Variants in DNAH11 observed in about 807,000 individuals in gnomAD.
DNAH11 encodes axonemal beta dynein heavy chain 11.
Under a neutral mutation model 526.0 loss-of-function variants are expected in DNAH11, and 442 were observed. The observed-to-expected ratio is 0.84, with a 90% CI of 0.78 to 0.91. The LOEUF is 0.91. Among genes scored for constraint, DNAH11 ranks in the 40% least tolerant of loss-of-function variants. DNAH11 has a pLI of 0.00. For missense variants in DNAH11, 6,989 were observed against 5,448.7 expected, an observed-to-expected ratio of 1.28 and a Z score of -8.90; for synonymous variants, 2,461 against 1,935.9, an observed-to-expected ratio of 1.27 and a Z score of -7.12.
chr7:21,696,110 T>G (rs1783839002), intron 35 of DNAH11, among the ~76,000 whole-genome samples: 1 of 152,206 alleles, frequency 6.6e-6, no homozygotes, highest in Non-Finnish European at 1.5e-5. Flanking sequence ...GTGCTCAATA[T>G]GTGTGCTCAA....
At chr7:21,880,585 G>T in intron 74 of DNAH11, 117 bp from the exon 75 acceptor site, 1 of 1,020,070 alleles carries the variant, frequency 9.8e-7, no homozygotes, top group Non-Finnish European at 1.4e-6. Context: ...CCATGCTGAA[G>T]ACTGCCTCTG....
intron 49 of DNAH11, 28 bp from the exon 50 acceptor site, chr7:21,744,410 A>G (rs754117103): frequency 6.2e-7 from 1 of 1,606,294 alleles, no homozygotes; most frequent in Non-Finnish European, 8.5e-7. Flanking sequence ...TCTGAATTAA[A>G]GGTATTTTCC....
At chr7:21,715,738 T>C (rs1180668945) in intron 42 of DNAH11, among the ~76,000 whole-genome samples, 1 of 152,074 alleles carries the variant, frequency 6.6e-6, no homozygotes, top group Non-Finnish European at 1.5e-5. Context: ...CTAAACTATG[T>C]AAGTTTAGCA....
At chr7:21,742,375 G>A (rs551847905) in intron 49 of DNAH11, among the ~76,000 whole-genome samples, 1 of 152,238 alleles carries the variant, frequency 6.6e-6, no homozygotes, top group African/African-American at 2.4e-5. Flanking sequence ...TGACAATCGT[G>A]GTAGAAGGTG....
rs555340265 is a variant in DNAH11 at position 21,734,812 on chromosome 7, C to T, written c.7441-828C>T. On this transcript the variant is annotated intron_variant, in intron 45 of 81. Transcript: ENST00000409508. ...AGTCAAGGCTGCAGTTAGCCATCATCACGCCACTGCACTCCAGCCTGGGTA... is the reference window on the plus strand; with the variant it reads ...AGTCAAGGCTGCAGTTAGCCATCATTACGCCACTGCACTCCAGCCTGGGTA... 2.0e-5 allele frequency among the ~76,000 whole-genome samples: 3 copies of T among 151,848 alleles called. No individual in the cohort carries two copies. The South Asian group carries it at 6.3e-4, about 32-fold the overall frequency.
chr7:21,884,248 A>G, intron 75 of DNAH11, 43 bp from the exon 76 acceptor site: 6 of 1,553,722 alleles, frequency 3.9e-6, no homozygotes, highest in Non-Finnish European at 5.2e-6. Context: ...TCTGAGGCAG[A>G]CTCTGCACCC....
chr7:21,571,757 T>C, intron 7 of DNAH11, 49 bp from the exon 8 acceptor site: 4 of 1,384,146 alleles, frequency 2.9e-6, no homozygotes, highest in Non-Finnish European at 3.8e-6. Flanking sequence ...CTTTAAAATA[T>C]TTTGCTGCTC....
chr7:21,866,387 G>T, intron 70 of DNAH11, 83 bp from the exon 71 acceptor site: 1 of 1,308,538 alleles, frequency 7.6e-7, no homozygotes, highest in Non-Finnish European at 1.1e-6. Flanking sequence ...TTTTACATAA[G>T]ATTAGATACA....
intron 55 of DNAH11, 100 bp from the exon 56 acceptor site, chr7:21,773,666 T>C (rs757822497): frequency 4.4e-6 from 4 of 910,406 alleles, no homozygotes; most frequent in Non-Finnish European, 6.3e-6. Flanking sequence ...CATTTTTTTT[T>C]CTGACTTTTA....
At chr7:21,801,954 A>T (rs1370803245) in intron 62 of DNAH11, among the ~76,000 whole-genome samples, 1 of 152,202 alleles carries the variant, frequency 6.6e-6, no homozygotes, top group Non-Finnish European at 1.5e-5. Flanking sequence ...ACGTTCTTTG[A>T]TATCAGTATT....
At position 21,622,519 on chromosome 7, in the gene DNAH11, CT is replaced by C. The variant is rs749356545; in HGVS notation, c.4500+2442del. Among the ~76,000 whole-genome samples, 50 of 152,146 alleles carry C rather than the reference CT, an allele frequency of 3.3e-4. 1 individual carries two copies. Among genetic ancestry groups the C allele is most frequent in the Non-Finnish European group, 2.2e-4 (15 of 68,018 alleles). ...AAGACCCCGCATTGCCAAGTCAATCCTAAGCCAAAAGAACAAGCCTGGAGTC... is the reference window on the plus strand; with the variant it reads ...AAGACCCCGCATTGCCAAGTCAATCCAAGCCAAAAGAACAAGCCTGGAGTC... On this transcript the variant is annotated intron_variant, in intron 25 of 81. Coordinates refer to ENST00000409508, the MANE Select transcript of DNAH11 (RefSeq NM_001277115.2).
chr7:21,686,688 A>G (rs1208962153), intron 32 of DNAH11, among the ~76,000 whole-genome samples: 3 of 152,232 alleles, frequency 2.0e-5, no homozygotes, highest in Admixed American at 6.5e-5. Flanking sequence ...GCAGTTTAAT[A>G]CAGCCAATGT....
intron 29 of DNAH11, among the ~76,000 whole-genome samples, chr7:21,657,315 G>A (rs1356551768): frequency 1.3e-5 from 2 of 152,182 alleles, no homozygotes; most frequent in Non-Finnish European, 2.9e-5. Flanking sequence ...CCTTGTCTTC[G>A]AGGAGCTCTT....
intron 55 of DNAH11, among the ~76,000 whole-genome samples, chr7:21,773,223 C>T (rs948781952): frequency 1.3e-5 from 2 of 152,002 alleles, no homozygotes; most frequent in Admixed American, 6.6e-5. Context: ...GTTTTCTTTC[C>T]CAAATATGAA....
chr7:21,561,912 C>T (rs932880297), intron 5 of DNAH11, among the ~76,000 whole-genome samples: 1 of 152,240 alleles, frequency 6.6e-6, no homozygotes, highest in South Asian at 2.1e-4. Context: ...TTTTTTCCCA[C>T]GTGACATTTG....
At position 21,786,302 on chromosome 7, in the gene DNAH11, ATGTG is replaced by A. The variant is rs58775729; in HGVS notation, c.9598-298_9598-295del. On this transcript the variant is annotated intron_variant, in intron 58 of 81. Coordinates refer to ENST00000409508, the MANE Select transcript of DNAH11 (RefSeq NM_001277115.2). ...TATAAATATCTTACAACATATACAC[ATGTG>A]TGTGTGTGTGTGTGTGTGTGTGTAT... 4.2e-3 allele frequency among the ~76,000 whole-genome samples: 630 copies of A among 150,946 alleles called. 2 individuals are homozygous for A. The highest frequency in any genetic ancestry group is 0.014 in the African/African-American group (593 of 40,988).
chr7:21,833,250 A>G (rs1781858094), intron 65 of DNAH11, among the ~76,000 whole-genome samples: 1 of 152,248 alleles, frequency 6.6e-6, no homozygotes, highest in Non-Finnish European at 1.5e-5. Flanking sequence ...TTCATGAAGT[A>G]TGAACATAAA....
intron 65 of DNAH11, among the ~76,000 whole-genome samples, chr7:21,822,957 C>CTTTTTTTT (rs67284255): frequency 4.3e-4 from 26 of 60,562 alleles, no homozygotes; most frequent in Admixed American, 6.7e-4. Flanking sequence ...AGATTATTTG[C>CTTTTTTTT]TTTTTTTTTT....
At position 21,842,616 on chromosome 7, in the gene DNAH11, A is replaced by C; in HGVS notation, c.10764A>C (p.Ala3588=). 6.2e-7 allele frequency: 1 copy of C among 1,613,986 alleles called. No individual in the cohort carries two copies. Among genetic ancestry groups the C allele is most frequent in the Non-Finnish European group, 8.5e-7 (1 of 1,179,880 alleles). The change falls in exon 66 of 82, where the codon GCA becomes GCC. Residue 3588 remains alanine (A), a synonymous_variant. Coordinates refer to ENST00000409508, the MANE Select transcript of DNAH11 (RefSeq NM_001277115.2). The part of the protein sequence containing the change: ...NFRLILHTKL[A]NPHYKPELQA... Reference sequence around the variant, plus strand: ...GCCTTATCCTTCACACAAAATTGGCAAATCCTCACTATAAGCCGGAATTAC... The same window carrying C: ...GCCTTATCCTTCACACAAAATTGGCCAATCCTCACTATAAGCCGGAATTAC...
Sources: gnomAD v4.1 joint callset for allele counts (sites outside exome capture counted in the v4.1 genomes callset) on GRCh38, gnomAD v4.1.1 for gene constraint, MANE v1.5 for transcripts, NCBI Gene and HGNC (gene_info 2026-07-23, HGNC 2026-07-21) for gene names.